COP1: variants seen among roughly 807,000 people sequenced by gnomAD.
The protein encoded by COP1 is E3 ubiquitin-protein ligase COP1.
A neutral mutation model predicts 101.3 loss-of-function variants in COP1; 24 were observed. The observed-to-expected ratio is 0.24, with a 90% CI of 0.17 to 0.33. The LOEUF is 0.33. Ranked by LOEUF, COP1 falls within the 10% of genes least tolerant of loss-of-function variation. The pLI is 1.00. For synonymous variants in COP1, 347 were observed against 341.9 expected, an observed-to-expected ratio of 1.01 and a Z score of -0.17; for missense variants, 663 against 906.2, an observed-to-expected ratio of 0.73 and a Z score of 3.45.
intron 12 of COP1, among the ~76,000 whole-genome samples, chr1:176,044,115 A>G (rs1031792333): frequency 6.6e-6 from 1 of 152,214 alleles, no homozygotes; most frequent in Non-Finnish European, 1.5e-5. Context: ...AACGATGTCT[A>G]TCAGTGAAGG....
Position 176,088,949 on chromosome 1 carries a change from C to T in COP1, c.1027-3059G>A, listed in dbSNP as rs796124696. Among the ~76,000 whole-genome samples, 14 of 147,716 alleles carry T rather than the reference C, an allele frequency of 9.5e-5. 1 individual carries two copies. Among genetic ancestry groups the T allele is most frequent in the African/African-American group, 3.2e-4 (13 of 40,074 alleles). ...GGCAGAGGCTGAAGTGAGCTGAGGTCGCACCATTGCACTCCAGCCTGGGCA... is the reference window on the plus strand; with the variant it reads ...GGCAGAGGCTGAAGTGAGCTGAGGTTGCACCATTGCACTCCAGCCTGGGCA... On this transcript the variant is annotated intron_variant, in intron 9 of 19. Coordinates refer to ENST00000367669, the MANE Select transcript of COP1 (RefSeq NM_022457.7).
At chr1:176,082,183 G>C (rs1679270508) in intron 10 of COP1, among the ~76,000 whole-genome samples, 1 of 152,006 alleles carries the variant, frequency 6.6e-6, no homozygotes, top group Non-Finnish European at 1.5e-5. Flanking sequence ...CCTTTCTGAA[G>C]AATGAAAAAA....
At chr1:176,100,833 A>C (rs1683275943) in intron 9 of COP1, among the ~76,000 whole-genome samples, 1 of 152,150 alleles carries the variant, frequency 6.6e-6, no homozygotes, top group Admixed American at 6.5e-5. Flanking sequence ...CATAGCATTC[A>C]GCTTAAGAAA....
At chr1:176,101,935 A>C (rs1040792585) in intron 9 of COP1, among the ~76,000 whole-genome samples, 5 of 152,196 alleles carry the variant, frequency 3.3e-5, no homozygotes, top group African/African-American at 1.2e-4. Flanking sequence ...AGTTAGATAT[A>C]TACTTCTTTA....
intron 15 of COP1, among the ~76,000 whole-genome samples, chr1:176,019,778 T>C (rs1167973082): frequency 1.3e-5 from 2 of 151,528 alleles, no homozygotes; most frequent in Non-Finnish European, 2.9e-5. Context: ...GGAGAGTCAC[T>C]TGAGCCTGGA....
chr1:176,136,551 C>T lies in COP1; in HGVS notation c.832-4G>A. 1 of 1,565,174 alleles carries T rather than the reference C, an allele frequency of 6.4e-7. No homozygotes were observed. The highest frequency in any genetic ancestry group is 2.3e-5 in the East Asian group (1 of 43,442). On this transcript the variant is annotated splice_region_variant and splice_polypyrimidine_tract_variant and intron_variant, in intron 6 of 19. Coordinates refer to ENST00000367669, the MANE Select transcript of COP1 (RefSeq NM_022457.7). The stretch of plus-strand genomic sequence containing the variant: ...CCTTCTGGATCTGTTCCAGTTGCTG[C>T]AGATTAAATAGAGAGAGAAAGACAA...
At chr1:176,047,959 G>A (rs561275467) in intron 11 of COP1, among the ~76,000 whole-genome samples, 1 of 151,960 alleles carries the variant, frequency 6.6e-6, no homozygotes, top group Non-Finnish European at 1.5e-5. Flanking sequence ...CTTGTCTCCA[G>A]AGACTTGGGA....
At chr1:176,057,305 A>G (rs944228773) in intron 11 of COP1, among the ~76,000 whole-genome samples, 1 of 152,008 alleles carries the variant, frequency 6.6e-6, no homozygotes, top group African/African-American at 2.4e-5. Context: ...CCACTTCAAG[A>G]ATGTGACCTC....
Position 175,986,927 on chromosome 1 carries a change from T to G in COP1, c.2133+16A>C, listed in dbSNP as rs1657263415. 1.3e-6 allele frequency: 2 copies of G among 1,554,344 alleles called. No individual in the cohort carries two copies. On this transcript the variant is annotated intron_variant, in intron 18 of 19. Coordinates refer to ENST00000367669, the MANE Select transcript of COP1 (RefSeq NM_022457.7). ...ATATGAGATCCCAAGGTGAAAAAACTGATATGAAAACTTACCCCATCTGGT... is the reference window on the plus strand; with the variant it reads ...ATATGAGATCCCAAGGTGAAAAAACGGATATGAAAACTTACCCCATCTGGT...
chr1:176,134,947 G>T, intron 8 of COP1, 63 bp downstream of exon 8: 1 of 1,228,332 alleles, frequency 8.1e-7, no homozygotes, highest in Non-Finnish European at 1.2e-6. Context: ...GCTCCTAAAG[G>T]ACTAGACCAT....
intron 11 of COP1, among the ~76,000 whole-genome samples, chr1:176,078,872 C>T (rs1395155095): frequency 6.6e-6 from 1 of 151,966 alleles, no homozygotes; most frequent in Admixed American, 6.6e-5. Context: ...TACAAGTCGC[C>T]AACAAGCATA....
At chr1:176,166,629 T>C (rs1055034629) in intron 3 of COP1, among the ~76,000 whole-genome samples, 1 of 152,200 alleles carries the variant, frequency 6.6e-6, no homozygotes, top group Non-Finnish European at 1.5e-5. Flanking sequence ...ATGGTTATTT[T>C]TTTCTTCTTG....
intron 14 of COP1, among the ~76,000 whole-genome samples, chr1:176,031,596 T>C (rs543204931): frequency 6.6e-6 from 1 of 152,286 alleles, no homozygotes; most frequent in South Asian, 2.1e-4. Context: ...TGTATTTATT[T>C]ACATATGGCC....
In COP1 at chr1:176,046,228, C is replaced by T; in HGVS notation, c.1374G>A (p.Val458=). The T allele has an allele frequency of 1.2e-6, 2 of 1,605,244 alleles. No homozygotes were observed. The highest frequency in any genetic ancestry group is 2.2e-5 in the South Asian group (2 of 89,210). ...YEYDTVIQDA[V]DIHYPENEMT... is the part of the protein sequence containing the mutation. ...TTTCATTCTCAGGGTAATGAATATC[C>T]ACTGCATCCTGGATGACAGTGTCAT... The change falls in exon 12 of 20, where the codon GTG becomes GTA. Residue 458 remains valine, a synonymous_variant. Coordinates refer to ENST00000367669, the MANE Select transcript of COP1 (RefSeq NM_022457.7).
chr1:176,151,637 T>C (rs965007929), intron 5 of COP1, among the ~76,000 whole-genome samples: 1 of 152,174 alleles, frequency 6.6e-6, no homozygotes, highest in African/African-American at 2.4e-5. Context: ...AAAATTATCC[T>C]TATTATGGGA....
intron 1 of COP1, among the ~76,000 whole-genome samples, chr1:176,198,989 C>A (rs1338850377): frequency 6.6e-6 from 1 of 152,036 alleles, no homozygotes; most frequent in African/African-American, 2.4e-5. Flanking sequence ...TAAATACAAA[C>A]CAAATAAAAG....
chr1:175,973,324 G>A (rs1653736756), intron 18 of COP1, among the ~76,000 whole-genome samples: 1 of 152,168 alleles, frequency 6.6e-6, no homozygotes, highest in African/African-American at 2.4e-5. Flanking sequence ...ACTCAGGACT[G>A]GGTTGCTACC....
At chr1:176,136,785 A>G (rs749904062) in intron 6 of COP1, among the ~76,000 whole-genome samples, 1 of 152,230 alleles carries the variant, frequency 6.6e-6, no homozygotes, top group Admixed American at 6.5e-5. Context: ...TTAATACAAC[A>G]GTTTGATTTT....
intron 6 of COP1, among the ~76,000 whole-genome samples, chr1:176,148,290 C>T (rs945204485): frequency 1.3e-5 from 2 of 151,488 alleles, no homozygotes; most frequent in Non-Finnish European, 2.9e-5. Context: ...TAGCCCAGAA[C>T]ATAGCACATA....
Sources: allele counts gnomAD v4.1 joint callset (sites outside exome capture counted in the v4.1 genomes callset), GRCh38; gene constraint gnomAD v4.1.1; transcripts MANE v1.5; gene names NCBI Gene and HGNC (gene_info 2026-07-23, HGNC 2026-07-21).